Variants in RAPGEF3 observed in about 807,000 individuals in gnomAD.
RAPGEF3 encodes Rap guanine nucleotide exchange factor 3.
RAPGEF3 carries 103 observed loss-of-function variants against 129.8 expected under a neutral mutation model. The ratio of observed to expected loss-of-function variants is 0.79; its 90% confidence interval spans 0.68 to 0.93. RAPGEF3 has a LOEUF of 0.93. Ranked by LOEUF, RAPGEF3 falls within the 40% of genes least tolerant of loss-of-function variation. The probability of loss-of-function intolerance (pLI) is 0.00; values close to 1 mark genes in which losing one functional copy is unlikely to be tolerated. For synonymous variants in RAPGEF3, 436 were observed against 482.6 expected, an observed-to-expected ratio of 0.90 and a Z score of 1.26; for missense variants, 1,117 against 1,207.4, an observed-to-expected ratio of 0.93 and a Z score of 1.11.
rs1269777757 is a variant in RAPGEF3, at chr12:47,751,033, G to T, written c.671+15C>A. Reference sequence around the variant, plus strand: ...GTGAGGCCTGGGGTCACGGGGTGCAGGGATTCTGACTCACGGCTTTCGAAG... The same window carrying T: ...GTGAGGCCTGGGGTCACGGGGTGCATGGATTCTGACTCACGGCTTTCGAAG... On this transcript the variant is annotated intron_variant, in intron 6 of 27. Transcript: ENST00000449771. 6.3e-7 allele frequency: 1 copy of T among 1,594,690 alleles called. No homozygotes were observed.
chr12:47,746,034 G>C (rs1215625491), intron 16 of RAPGEF3: 1 of 152,646 alleles, frequency 6.6e-6, no homozygotes, highest in Non-Finnish European at 1.5e-5. Flanking sequence ...CCAAGGCAGA[G>C]CGTGGTGGGA....
At chr12:47,758,262 G>A in intron 1 of RAPGEF3, 184 bp from the exon 2 acceptor site, 1 of 1,433,374 alleles carries the variant, frequency 7.0e-7, no homozygotes. Flanking sequence ...TGCCGGTCTG[G>A]CGCACTTAGG....
In RAPGEF3 at chr12:47,748,861, T is replaced by C. The variant is rs1431539290; in HGVS notation, c.1112A>G (p.Gln371Arg). ...KVVLVLERASQGAGPSRPPTP... is the reference protein window; with the variant it reads ...KVVLVLERASRGAGPSRPPTP... ...TGGGGGTCGGGAAGGGCCGGCGCCCTGAGAGGCTCTCTCCAGCACCAGCAC... is the reference window on the plus strand; with the variant it reads ...TGGGGGTCGGGAAGGGCCGGCGCCCCGAGAGGCTCTCTCCAGCACCAGCAC... Residue 371 changes from glutamine (Q) to arginine (R), a missense_variant, in exon 11 of 28, where the codon CAG becomes CGG. Physicochemically the swap from Gln to Arg is conservative, Grantham distance 43 (BLOSUM62 1). This residue lies in a region of RAPGEF3 where 107 missense variants were observed against 160.7 expected (regional missense o/e 0.67). Transcript: ENST00000449771. 3 of 1,614,076 alleles carry C rather than the reference T, an allele frequency of 1.9e-6. No homozygotes were observed. The highest frequency in any genetic ancestry group is 2.7e-5 in the African/African-American group (2 of 75,016).
At chr12:47,741,314 A>C in intron 19 of RAPGEF3, 191 bp downstream of exon 19, 1 of 671,282 alleles carries the variant, frequency 1.5e-6, no homozygotes, top group Non-Finnish European at 2.5e-6. Flanking sequence ...CAGTGCTACC[A>C]GCCCCTGCCC....
At chr12:47,748,260 G>C (rs1411851772) in intron 12 of RAPGEF3, 108 bp from the exon 13 acceptor site, 1 of 1,056,748 alleles carries the variant, frequency 9.5e-7, no homozygotes. Context: ...CCACCTGCAA[G>C]GTCCCAGCAG....
At chr12:47,738,151 G>A (rs776274624) in intron 26 of RAPGEF3, 42 bp downstream of exon 26, 38 of 1,613,588 alleles carry the variant, frequency 2.4e-5, no homozygotes, top group Admixed American at 1.8e-4. Context: ...CACAGAGGAT[G>A]TAGGGTGGGG....
At chr12:47,758,206 C>A (rs1942211612) in intron 1 of RAPGEF3, 128 bp from the exon 2 acceptor site, 3 of 1,440,202 alleles carry the variant, frequency 2.1e-6, no homozygotes, top group Non-Finnish European at 2.7e-6. Flanking sequence ...GTGCTGCAAC[C>A]CTGCCAGGAG....
intron 18 of RAPGEF3, among the ~76,000 whole-genome samples, chr12:47,742,644 C>CA (rs1473997984): frequency 6.6e-6 from 1 of 152,214 alleles, no homozygotes; most frequent in Non-Finnish European, 1.5e-5. Context: ...CACTGACTGG[C>CA]AGGCCCTGTG....
intron 7 of RAPGEF3, 116 bp downstream of exon 7, chr12:47,750,225 T>A (rs1592563626): frequency 1.1e-5 from 13 of 1,237,948 alleles, no homozygotes; most frequent in Middle Eastern, 3.8e-4. Context: ...ACTGAAAATT[T>A]CCAGCCATAG....
At position 47,758,850 on chromosome 12, in the gene RAPGEF3, C is replaced by T. The variant is rs1353546027; in HGVS notation, c.-294G>A. ...CCTTCGTCTCAGACGAAGGAGCCAG[C>T]TGGCACCGGGCGCTGAAGCAAGGCT... On this transcript the variant is annotated 5_prime_UTR_variant, in exon 1 of 28. Transcript: ENST00000449771. 3 of 1,193,768 alleles carry T rather than the reference C, an allele frequency of 2.5e-6. No homozygotes were observed. Among genetic ancestry groups the T allele is most frequent in the Admixed American group, 8.6e-5 (2 of 23,238 alleles). 73.9% of individuals were successfully genotyped at this position (1,193,768 alleles called of 1,614,324 possible).
intron 24 of RAPGEF3, 52 bp downstream of exon 24, chr12:47,739,091 G>A: frequency 7.0e-7 from 1 of 1,421,470 alleles, no homozygotes. Context: ...GGAAATGGGG[G>A]ATGGAGGCAG....
Position 47,744,156 on chromosome 12 carries a change from G to A in RAPGEF3, c.1597-88C>T, listed in dbSNP as rs1592547729. On this transcript the variant is annotated intron_variant, in intron 16 of 27. Transcript: ENST00000449771. The stretch of plus-strand genomic sequence containing the variant: ...GGATTGTGAGGTCCCTGTGTCACCA[G>A]GAGCACGGGCGCCACACAGCATTCA... 4 of 1,136,048 alleles carry A rather than the reference G, an allele frequency of 3.5e-6. No individual in the cohort carries two copies. In the East Asian group the frequency reaches 1.0e-4, roughly 29 times the overall value. 70.4% of individuals were successfully genotyped at this position (1,136,048 alleles called of 1,614,324 possible).
intron 26 of RAPGEF3, 41 bp from the exon 27 acceptor site, chr12:47,738,134 G>A (rs1940902714): frequency 2.5e-6 from 4 of 1,613,840 alleles, no homozygotes; most frequent in South Asian, 1.1e-5. Flanking sequence ...GGGCCACCCT[G>A]GAGCCTCACA....
intron 7 of RAPGEF3, 143 bp from the exon 8 acceptor site, chr12:47,750,133 A>G: frequency 8.6e-7 from 1 of 1,165,922 alleles, no homozygotes; most frequent in Non-Finnish European, 1.3e-6. Context: ...AGGATTCAGC[A>G]GGAGACAAAG....
At chr12:47,758,476 C>T in intron 1 of RAPGEF3, 75 bp downstream of exon 1, 1 of 1,591,394 alleles carries the variant, frequency 6.3e-7, no homozygotes, top group Non-Finnish European at 8.6e-7. Flanking sequence ...CCTCTCCCAC[C>T]CAAACTCCCC....
In RAPGEF3 at chr12:47,734,901, C is replaced by T. The variant is rs189313028; in HGVS notation, c.*2666G>A. On this transcript the variant is annotated 3_prime_UTR_variant, in exon 28 of 28. Transcript: ENST00000449771. ...CTGAGAGAGAGGGGACAGCTGGCTCCAGGCGGAGATGCTGAAGCAGCAGAG... is the reference window on the plus strand; with the variant it reads ...CTGAGAGAGAGGGGACAGCTGGCTCTAGGCGGAGATGCTGAAGCAGCAGAG... The T allele has an allele frequency of 2.4e-4, 36 of 152,440 alleles. No individual in the cohort carries two copies. Among genetic ancestry groups the T allele is most frequent in the Admixed American group, 2.4e-3 (36 of 15,312 alleles). 9.4% of individuals were successfully genotyped at this position (152,440 alleles called of 1,614,324 possible).
At chr12:47,737,998 C>A in intron 27 of RAPGEF3, 24 bp downstream of exon 27, 2 of 1,606,220 alleles carry the variant, frequency 1.2e-6, no homozygotes, top group South Asian at 2.2e-5. Flanking sequence ...CCTCCCTGCC[C>A]ACCCACCATC....
Position 47,749,258 on chromosome 12 carries a change from GC to G in RAPGEF3, c.1041+131del. ...ACACACCCAGGGCTATGGTCCCACT[GC>G]CAGCTGTCATAGCCCAGCATCTCTT... is the stretch of plus-strand genomic sequence containing the variant. On this transcript the variant is annotated intron_variant, in intron 10 of 27. Transcript: ENST00000449771. This position sits in a 1 kb window ranked among gnomAD's most constrained non-coding sequence, Gnocchi z 4.5. 8.7e-7 allele frequency: 1 copy of G among 1,153,242 alleles called. No homozygotes were observed. The highest frequency in any genetic ancestry group is 1.3e-6 in the Non-Finnish European group (1 of 789,716). 71.4% of individuals were successfully genotyped at this position (1,153,242 alleles called of 1,614,324 possible).
Position 47,743,659 on chromosome 12 carries a change from G to T in RAPGEF3, c.1696C>A (p.Arg566=). The change falls in exon 18 of 28, where the codon CGG becomes AGG. Residue 566 remains arginine (R), a synonymous_variant. Coordinates refer to ENST00000449771, the MANE Select transcript of RAPGEF3 (RefSeq NM_001098531.4). ...VGDKVPYDIC[R]PDHSVLTLQL... is the part of the protein sequence containing the mutation. ...AGGGTCAACACTGAGTGGTCTGGCC[G>T]GCAGATGTCATAGGGGACTGAAGAG... is the stretch of plus-strand genomic sequence containing the variant. 1 of 1,609,630 alleles carries T rather than the reference G, an allele frequency of 6.2e-7. No individual in the cohort carries two copies. The highest frequency in any genetic ancestry group is 1.3e-5 in the African/African-American group (1 of 74,964).
Sources: allele counts gnomAD v4.1 joint callset (sites outside exome capture counted in the v4.1 genomes callset), GRCh38; gene constraint gnomAD v4.1.1; regional missense constraint gnomAD v4.1.1; non-coding constraint Gnocchi (gnomAD v3.1); transcripts MANE v1.5; gene names NCBI Gene and HGNC (gene_info 2026-07-23, HGNC 2026-07-21).